CMSS1: variants seen among roughly 807,000 people sequenced by gnomAD.
CMSS1 encodes protein CMSS1.
Under a neutral mutation model 43.5 loss-of-function variants are expected in CMSS1, and 33 were observed. The observed-to-expected ratio is 0.76, with a 90% CI of 0.57 to 1.01. The LOEUF is 1.01. Among genes scored for constraint, CMSS1 ranks in the 50% least tolerant of loss-of-function variants. The probability of loss-of-function intolerance (pLI) is 0.00; values close to 1 mark genes in which losing one functional copy is unlikely to be tolerated. For synonymous variants in CMSS1, 115 were observed against 117.2 expected, an observed-to-expected ratio of 0.98 and a Z score of 0.12; for missense variants, 313 against 326.4, an observed-to-expected ratio of 0.96 and a Z score of 0.32.
At chr3:100,024,531 G>T (rs2064883144) in intron 1 of CMSS1, among the ~76,000 whole-genome samples, 1 of 152,064 alleles carries the variant, frequency 6.6e-6, no homozygotes, top group Non-Finnish European at 1.5e-5. Flanking sequence ...TTCATAGGAA[G>T]CAACTGTTTT....
chr3:100,002,296 T>G (rs2107168663), intron 1 of CMSS1, among the ~76,000 whole-genome samples: 1 of 152,342 alleles, frequency 6.6e-6, no homozygotes, highest in African/African-American at 2.4e-5. Context: ...TTTTTGTACC[T>G]TCAAAACTTC....
chr3:99,876,715 A>C (rs942444755), intron 1 of CMSS1, among the ~76,000 whole-genome samples: 1 of 152,128 alleles, frequency 6.6e-6, no homozygotes, highest in Non-Finnish European at 1.5e-5. Context: ...TTTCCTGATG[A>C]TGTAACTACC....
chr3:99,967,918 A>G (rs1043089516), intron 1 of CMSS1, among the ~76,000 whole-genome samples: 1 of 152,222 alleles, frequency 6.6e-6, no homozygotes, highest in Non-Finnish European at 1.5e-5. Flanking sequence ...ACAAATAGAT[A>G]AGTGCAACGG....
intron 1 of CMSS1, among the ~76,000 whole-genome samples, chr3:99,958,795 G>T (rs1708412557): frequency 6.6e-6 from 1 of 152,150 alleles, no homozygotes; most frequent in African/African-American, 2.4e-5. Context: ...AGTGGAACAG[G>T]CAGAGAAGGG....
chr3:100,071,314 G>C (rs2107373892), intron 1 of CMSS1, among the ~76,000 whole-genome samples: 1 of 152,190 alleles, frequency 6.6e-6, no homozygotes, highest in East Asian at 1.9e-4. Context: ...ACATCAAGAA[G>C]ACAGTAAGGG....
intron 1 of CMSS1, among the ~76,000 whole-genome samples, chr3:99,872,620 C>A (rs1460182202): frequency 6.6e-6 from 1 of 151,996 alleles, no homozygotes; most frequent in African/African-American, 2.4e-5. Flanking sequence ...AAAAAAAATT[C>A]TATACTTAAC....
chr3:100,051,782 T>C (rs900850381), intron 1 of CMSS1, among the ~76,000 whole-genome samples: 2 of 151,500 alleles, frequency 1.3e-5, no homozygotes, highest in African/African-American at 4.8e-5. Context: ...TGGTTCCAAG[T>C]CTTTGCTATT....
chr3:99,955,929 A>G (rs1234395723), intron 1 of CMSS1, among the ~76,000 whole-genome samples: 1 of 152,170 alleles, frequency 6.6e-6, no homozygotes, highest in Non-Finnish European at 1.5e-5. Context: ...GACTTCTTAC[A>G]TAGCGCTTAC....
chr3:100,134,059 G>C (rs768199564), intron 1 of CMSS1, among the ~76,000 whole-genome samples: 2 of 152,058 alleles, frequency 1.3e-5, no homozygotes, highest in Non-Finnish European at 2.9e-5. Flanking sequence ...CTCTTCCTTG[G>C]GGTTACACTC....
At chr3:99,851,243 T>C (rs1173423403) in intron 1 of CMSS1, among the ~76,000 whole-genome samples, 2 of 152,342 alleles carry the variant, frequency 1.3e-5, no homozygotes, top group African/African-American at 4.8e-5. Flanking sequence ...TTGATAAAGT[T>C]ATCTTGCTTT....
At chr3:99,857,736 T>C (rs1944038915) in intron 1 of CMSS1, among the ~76,000 whole-genome samples, 1 of 152,226 alleles carries the variant, frequency 6.6e-6, no homozygotes, top group South Asian at 2.1e-4. Context: ...TTGTTTCTAT[T>C]AGTTTCAGAA....
intron 1 of CMSS1, among the ~76,000 whole-genome samples, chr3:100,037,959 G>GTT (rs1392685507): frequency 3.2e-5 from 3 of 92,404 alleles, no homozygotes; most frequent in South Asian, 3.3e-4. Flanking sequence ...TTTTTTTTGG[G>GTT]GGGGGAGGGA....
intron 1 of CMSS1, among the ~76,000 whole-genome samples, chr3:100,000,178 C>T (rs1709802367): frequency 6.6e-6 from 1 of 152,198 alleles, no homozygotes; most frequent in Non-Finnish European, 1.5e-5. Context: ...AAAATTTCTT[C>T]CTGCCTTCTT....
chr3:100,139,613 GTA>G (rs71132513), intron 1 of CMSS1, among the ~76,000 whole-genome samples: 1,667 of 83,496 alleles, frequency 0.02, 10 homozygotes, highest in Non-Finnish European at 0.024. Context: ...ATGTGTGTGT[GTA>G]TATATATATA....
intron 1 of CMSS1, chr3:99,849,466 C>T (rs1368987126): frequency 6.2e-7 from 1 of 1,613,784 alleles, no homozygotes; most frequent in East Asian, 2.2e-5. Context: ...CTGGAGGTGA[C>T]ATATTAGGTC....
intron 1 of CMSS1, among the ~76,000 whole-genome samples, chr3:99,940,773 GCCT>G (rs1403564503): frequency 6.6e-6 from 1 of 152,154 alleles, no homozygotes; most frequent in Non-Finnish European, 1.5e-5. Flanking sequence ...GTGCCTTTTG[GCCT>G]CCTCTTGCCT....
At chr3:99,818,118 T>A in intron 1 of CMSS1, 75 bp downstream of exon 1, 1 of 1,445,768 alleles carries the variant, frequency 6.9e-7, no homozygotes, top group Non-Finnish European at 9.6e-7. Flanking sequence ...TGGTCGCTTC[T>A]GGCGATCGCG....
intron 1 of CMSS1, among the ~76,000 whole-genome samples, chr3:99,917,987 G>GT (rs1332827134): frequency 2.0e-4 from 30 of 151,638 alleles, no homozygotes; most frequent in East Asian, 9.7e-4. Flanking sequence ...GTTTTGTTTT[G>GT]TTTTTTTTGA....
chr3:99,869,180 G>C (rs1168353322), intron 1 of CMSS1, among the ~76,000 whole-genome samples: 1 of 152,204 alleles, frequency 6.6e-6, no homozygotes, highest in African/African-American at 2.4e-5. Flanking sequence ...ATTTAGTGAA[G>C]AGAAGAATTC....
Sources: gnomAD v4.1 joint callset for allele counts (sites outside exome capture counted in the v4.1 genomes callset) on GRCh38, gnomAD v4.1.1 for gene constraint, MANE v1.5 for transcripts, NCBI Gene and HGNC (gene_info 2026-07-23, HGNC 2026-07-21) for gene names.